PCDH11X: variants seen among roughly 807,000 people sequenced by gnomAD.
The protein encoded by PCDH11X is protocadherin 11 X-linked.
In PCDH11X, 18 loss-of-function variants were observed where a neutral mutation model predicts 53.3. The ratio of observed to expected loss-of-function variants is 0.34; its 90% CI spans 0.23 to 0.50. PCDH11X has a LOEUF of 0.50. Ranked by LOEUF, PCDH11X falls within the 20% of genes least tolerant of loss-of-function variation. PCDH11X has a pLI of 0.98. For missense variants in PCDH11X, 570 were observed against 1,032.4 expected, an observed-to-expected ratio of 0.55 and a Z score of 6.14; for synonymous variants, 279 against 393.3, an observed-to-expected ratio of 0.71 and a Z score of 3.44.
At chrX:92,545,457 A>T (rs2074836241) in intron 10 of PCDH11X, among the ~76,000 whole-genome samples, 1 of 92,216 alleles carries the variant, frequency 1.1e-5, no homozygotes, top group Non-Finnish European at 2.0e-5. Context: ...GCTGGAATGC[A>T]GTGGAGCCGT....
intron 7 of PCDH11X, among the ~76,000 whole-genome samples, chrX:92,248,815 C>T (rs979030085): frequency 1.8e-5 from 2 of 110,894 alleles, no homozygotes; most frequent in African/African-American, 6.6e-5. Flanking sequence ...CAATTCTCTG[C>T]CTCTGCCTCC....
chrX:91,888,781 C>T (rs1163784611), intron 6 of PCDH11X, among the ~76,000 whole-genome samples: 3 of 111,395 alleles, frequency 2.7e-5, no homozygotes, highest in East Asian at 5.6e-4. Flanking sequence ...TTAAGTAATA[C>T]GGCTTTGACT....
intron 6 of PCDH11X, among the ~76,000 whole-genome samples, chrX:91,972,622 T>C (rs1398602757): frequency 1.8e-4 from 19 of 106,262 alleles, no homozygotes; most frequent in African/African-American, 6.2e-4. Context: ...AATTGATTTT[T>C]GTATAAGGTG....
rs1340194113 is a variant in PCDH11X, at chrX:92,350,000, T to C, written c.3145-37735T>C. ...TAACCCCTTCGTAAGTCTAGAAGCA[T>C]CTGTACTCTTTCCTGGTCTCCCTTG... On this transcript the variant is annotated intron_variant, in intron 8 of 10. Transcript: ENST00000682573. 2.7e-5 allele frequency among the ~76,000 whole-genome samples: 3 copies of C among 110,466 alleles called. No individual in the cohort carries two copies. In the East Asian group the frequency reaches 8.7e-4, roughly 32 times the overall value.
At chrX:91,909,194 A>C (rs1941292678) in intron 6 of PCDH11X, among the ~76,000 whole-genome samples, 1 of 111,455 alleles carries the variant, frequency 9.0e-6, no homozygotes, top group Non-Finnish European at 1.9e-5. Context: ...GTGGAGTCAA[A>C]ATTTGATTGC....
intron 10 of PCDH11X, among the ~76,000 whole-genome samples, chrX:92,522,848 A>T (rs1454807313): frequency 8.9e-6 from 1 of 112,094 alleles, no homozygotes; most frequent in Non-Finnish European, 1.9e-5. Flanking sequence ...ATAAAGTGCC[A>T]AAACAAAAAA....
chrX:92,150,972 G>C (rs1383495085), intron 6 of PCDH11X, among the ~76,000 whole-genome samples: 1 of 110,652 alleles, frequency 9.0e-6, no homozygotes, highest in African/African-American at 3.3e-5. Flanking sequence ...TTGTTTGTTT[G>C]CTTGTATTTT....
chrX:91,817,267 T>A (rs1486129883), intron 4 of PCDH11X, among the ~76,000 whole-genome samples: 2 of 99,937 alleles, frequency 2.0e-5, no homozygotes, highest in Non-Finnish European at 4.0e-5. Flanking sequence ...GATTTCTAAC[T>A]TAAAATGAGG....
chrX:91,975,177 A>C (rs2062029874), intron 6 of PCDH11X, among the ~76,000 whole-genome samples: 2 of 111,535 alleles, frequency 1.8e-5, no homozygotes, highest in African/African-American at 6.5e-5. Context: ...CAAGGATGGA[A>C]GCAATGAAGG....
intron 4 of PCDH11X, among the ~76,000 whole-genome samples, chrX:91,822,864 G>T (rs1326030677): frequency 1.8e-5 from 2 of 111,307 alleles, no homozygotes; most frequent in African/African-American, 6.5e-5. Flanking sequence ...AGAGATTCTG[G>T]TACGTTGTGT....
intron 8 of PCDH11X, among the ~76,000 whole-genome samples, chrX:92,273,417 T>A (rs1326308870): frequency 1.8e-5 from 2 of 111,640 alleles, no homozygotes; most frequent in Non-Finnish European, 3.8e-5. Context: ...CAGGGCCTTT[T>A]CACTTCTTTT....
chrX:92,304,189 A>G (rs1343916159), intron 8 of PCDH11X, among the ~76,000 whole-genome samples: 3 of 107,074 alleles, frequency 2.8e-5, no homozygotes, highest in Non-Finnish European at 3.8e-5. Flanking sequence ...TAATTTAGCT[A>G]TAAACTTAAT....
intron 1 of PCDH11X, among the ~76,000 whole-genome samples, chrX:91,791,367 G>A (rs1470802410): frequency 9.0e-6 from 1 of 110,908 alleles, no homozygotes; most frequent in Non-Finnish European, 1.9e-5. Context: ...TTACAATCAT[G>A]GCAGAAGGCT....
chrX:92,531,369 T>C (rs1224616466), intron 10 of PCDH11X, among the ~76,000 whole-genome samples: 1 of 111,509 alleles, frequency 9.0e-6, no homozygotes, highest in African/African-American at 3.2e-5. Flanking sequence ...TTTCCTGTAA[T>C]GTAAATAATT....
At chrX:92,305,769 A>G (rs1418205487) in intron 8 of PCDH11X, among the ~76,000 whole-genome samples, 8 of 111,436 alleles carry the variant, frequency 7.2e-5, no homozygotes, top group Non-Finnish European at 1.5e-4. Flanking sequence ...ACAGTAAATT[A>G]TGATTGAATG....
At chrX:91,966,334 T>C (rs2061863314) in intron 6 of PCDH11X, among the ~76,000 whole-genome samples, 1 of 111,166 alleles carries the variant, frequency 9.0e-6, no homozygotes, top group Admixed American at 9.6e-5. Flanking sequence ...GAATATTTGA[T>C]GCTTTTGGAG....
At chrX:91,889,536 C>T (rs1940380213) in intron 6 of PCDH11X, among the ~76,000 whole-genome samples, 1 of 112,165 alleles carries the variant, frequency 8.9e-6, no homozygotes, top group African/African-American at 3.2e-5. Flanking sequence ...TGTTCTCAAA[C>T]TCCTGACCTC....
In PCDH11X at chrX:91,876,768, G is replaced by C; in HGVS notation, c.541-13G>C. On this transcript the variant is annotated splice_polypyrimidine_tract_variant and intron_variant, in intron 5 of 10. Coordinates refer to ENST00000682573, the MANE Select transcript of PCDH11X (RefSeq NM_032968.5). Reference sequence around the variant, plus strand: ...TAACATAAGTTAATTCTGTTTCATTGCATGTTTTCCAGAGTCAAAACATTT... The same window carrying C: ...TAACATAAGTTAATTCTGTTTCATTCCATGTTTTCCAGAGTCAAAACATTT... 1 of 1,199,849 alleles carries C rather than the reference G, an allele frequency of 8.3e-7. No individual in the cohort carries two copies. The highest frequency in any genetic ancestry group is 1.8e-5 in the South Asian group (1 of 55,962).
intron 9 of PCDH11X, among the ~76,000 whole-genome samples, chrX:92,431,612 T>C (rs1038932341): frequency 9.1e-6 from 1 of 110,313 alleles, no homozygotes; most frequent in African/African-American, 3.3e-5. Flanking sequence ...CTAAGATACC[T>C]ATTAATTCAA....
Sources: gnomAD v4.1 joint callset for allele counts (sites outside exome capture counted in the v4.1 genomes callset) on GRCh38, gnomAD v4.1.1 for gene constraint, MANE v1.5 for transcripts, NCBI Gene and HGNC (gene_info 2026-07-23, HGNC 2026-07-21) for gene names.